Variants in DENND1A observed in about 807,000 individuals in gnomAD.
The protein encoded by DENND1A is DENN domain-containing protein 1A.
A neutral mutation model predicts 113.7 loss-of-function variants in DENND1A; 51 were observed. That is an observed-to-expected ratio of 0.45 (90% CI 0.36 to 0.57). The LOEUF (loss-of-function observed/expected upper bound fraction) is 0.57, where lower values mean the gene tolerates loss of function less well. Ranked by LOEUF, DENND1A falls within the 20% of genes least tolerant of loss-of-function variation. The pLI is 0.00. For missense variants in DENND1A, 1,258 were observed against 1,395.9 expected, an observed-to-expected ratio of 0.90 and a Z score of 1.57; for synonymous variants, 565 against 570.8, an observed-to-expected ratio of 0.99 and a Z score of 0.14.
chr9:123,571,225 G>A (rs1437759563), intron 12 of DENND1A, among the ~76,000 whole-genome samples: 4 of 152,152 alleles, frequency 2.6e-5, no homozygotes, highest in Admixed American at 2.6e-4. Flanking sequence ...AATCAGCAGA[G>A]TTGTTCTGAA....
intron 13 of DENND1A, among the ~76,000 whole-genome samples, chr9:123,495,221 C>T (rs1395693190): frequency 2.0e-5 from 3 of 150,554 alleles, no homozygotes; most frequent in Admixed American, 1.3e-4. Flanking sequence ...GACAAGGGGC[C>T]ATGCCTTATT....
intron 6 of DENND1A, among the ~76,000 whole-genome samples, chr9:123,674,464 A>G (rs1380221250): frequency 6.6e-6 from 1 of 152,052 alleles, no homozygotes. Context: ...GCCCTGGGGC[A>G]GGAGGTAGAT....
intron 13 of DENND1A, among the ~76,000 whole-genome samples, chr9:123,526,011 C>A (rs916747611): frequency 2.0e-5 from 3 of 152,088 alleles, no homozygotes; most frequent in Non-Finnish European, 4.4e-5. Context: ...CCACATTGGC[C>A]TCCCAAAATG....
chr9:123,770,000 G>A (rs540695754), intron 3 of DENND1A, among the ~76,000 whole-genome samples: 10 of 152,274 alleles, frequency 6.6e-5, no homozygotes, highest in African/African-American at 2.4e-4. Flanking sequence ...ATTAGACAAC[G>A]CTTCCCAACA....
At chr9:123,617,029 C>A (rs1368053236) in intron 10 of DENND1A, among the ~76,000 whole-genome samples, 1 of 152,214 alleles carries the variant, frequency 6.6e-6, no homozygotes, top group Non-Finnish European at 1.5e-5. Flanking sequence ...AAAGGTGGGT[C>A]CCCATAATTC....
chr9:123,783,045 C>A (rs1287345893), intron 3 of DENND1A, among the ~76,000 whole-genome samples: 1 of 152,122 alleles, frequency 6.6e-6, no homozygotes, highest in African/African-American at 2.4e-5. Context: ...CGCAGTAATA[C>A]AAAATACTAC....
At chr9:123,397,711 G>T (rs149492691) in intron 21 of DENND1A, among the ~76,000 whole-genome samples, 155 of 152,310 alleles carry the variant, frequency 1.0e-3, no homozygotes, top group African/African-American at 3.7e-3. Flanking sequence ...AATATGTAGT[G>T]GAATGAAAGT....
At chr9:123,568,135 A>G (rs544368311) in intron 12 of DENND1A, among the ~76,000 whole-genome samples, 11 of 152,314 alleles carry the variant, frequency 7.2e-5, no homozygotes, top group African/African-American at 2.6e-4. Context: ...CAATGTCTTG[A>G]TTGATCAATG....
At chr9:123,752,697 T>C (rs1388516228) in intron 5 of DENND1A, among the ~76,000 whole-genome samples, 1 of 152,220 alleles carries the variant, frequency 6.6e-6, no homozygotes, top group Non-Finnish European at 1.5e-5. Flanking sequence ...GTATGTGCCA[T>C]TGGGGCAAAT....
chr9:123,842,003 T>C lies in DENND1A; in HGVS notation c.88+36948A>G, dbSNP rs113649990. ...GATACTTTTCAGGCATCCAAACAGG[T>C]TGAGAGCTCAGAAGAAATGTTTCAT... On this transcript the variant is annotated intron_variant, in intron 2 of 23. Transcript: ENST00000394215. 2.0e-5 allele frequency among the ~76,000 whole-genome samples: 3 copies of C among 152,292 alleles called. 1 individual carries two copies. Among genetic ancestry groups the C allele is most frequent in the African/African-American group, 7.2e-5 (3 of 41,556 alleles).
chr9:123,830,074 A>T (rs1373497838), intron 2 of DENND1A, among the ~76,000 whole-genome samples: 3 of 152,206 alleles, frequency 2.0e-5, no homozygotes, highest in Non-Finnish European at 1.5e-5. Flanking sequence ...ATTTTTAAAA[A>T]CTGTGTCTCA....
At chr9:123,440,615 T>G in intron 18 of DENND1A, 124 bp from the exon 19 acceptor site, 2 of 1,295,124 alleles carry the variant, frequency 1.5e-6, no homozygotes, top group South Asian at 2.0e-5. Context: ...GACCTCTTGA[T>G]GAAGATGGAG....
At chr9:123,627,101 C>T (rs539893017) in intron 10 of DENND1A, among the ~76,000 whole-genome samples, 1 of 152,204 alleles carries the variant, frequency 6.6e-6, no homozygotes, top group Non-Finnish European at 1.5e-5. Flanking sequence ...AGTGAGGGCT[C>T]AGGGGTGACT....
chr9:123,488,139 A>G (rs946607789), intron 13 of DENND1A, among the ~76,000 whole-genome samples: 1 of 152,228 alleles, frequency 6.6e-6, no homozygotes, highest in Non-Finnish European at 1.5e-5. Context: ...CCGCCAGCAC[A>G]AGGCTTAGCC....
At chr9:123,573,701 G>A (rs892612012) in intron 12 of DENND1A, among the ~76,000 whole-genome samples, 14 of 151,950 alleles carry the variant, frequency 9.2e-5, no homozygotes, top group African/African-American at 2.9e-4. Context: ...CCATATACAC[G>A]ATCAAGTTGT....
At chr9:123,672,576 C>T (rs548469721) in intron 6 of DENND1A, among the ~76,000 whole-genome samples, 1 of 152,244 alleles carries the variant, frequency 6.6e-6, no homozygotes, top group Non-Finnish European at 1.5e-5. Context: ...ATTTAAATAT[C>T]ATTGTAACAG....
intron 12 of DENND1A, 116 bp downstream of exon 12, chr9:123,583,053 T>G: frequency 1.4e-6 from 1 of 734,216 alleles, no homozygotes; most frequent in Non-Finnish European, 2.2e-6. Context: ...CAAACTGCAG[T>G]TCTCAGGTCA....
chr9:123,553,398 C>CA (rs926712840), intron 13 of DENND1A, among the ~76,000 whole-genome samples: 1 of 45,594 alleles, frequency 2.2e-5, no homozygotes, highest in Non-Finnish European at 4.1e-5. Context: ...TTTTTAAAAG[C>CA]CGCCCCCCCC....
intron 9 of DENND1A, among the ~76,000 whole-genome samples, chr9:123,641,289 C>A (rs2139060444): frequency 6.6e-6 from 1 of 152,168 alleles, no homozygotes; most frequent in South Asian, 2.1e-4. Flanking sequence ...AATTCTGATT[C>A]TTTAAAATTC....
Sources: gnomAD v4.1 joint callset for allele counts (sites outside exome capture counted in the v4.1 genomes callset) on GRCh38, gnomAD v4.1.1 for gene constraint, MANE v1.5 for transcripts, NCBI Gene and HGNC (gene_info 2026-07-23, HGNC 2026-07-21) for gene names.